Variants in DYDC1 observed in about 807,000 individuals in gnomAD.
DYDC1 encodes DPY30 domain containing 1.
Under a neutral mutation model 27.9 loss-of-function variants are expected in DYDC1, and 21 were observed. The observed-to-expected ratio is 0.75, with a 90% CI of 0.53 to 1.08. The LOEUF (loss-of-function observed/expected upper bound fraction) is 1.08. DYDC1 is among the 50% of genes least tolerant of loss of function. DYDC1 has a pLI of 0.00. For missense variants in DYDC1, 202 were observed against 205.9 expected, an observed-to-expected ratio of 0.98 and a Z score of 0.12; for synonymous variants, 67 against 65.8, an observed-to-expected ratio of 1.02 and a Z score of -0.09.
In DYDC1 at chr10:80,346,730, G is replaced by A. The variant is rs566891265; in HGVS notation, c.250-4369C>T. ...CCGCCTCAGCCTCCCGAAGTGCTGGGATTACAGGTGTGAGCCACTGCCCCC... is the reference window on the plus strand; with the variant it reads ...CCGCCTCAGCCTCCCGAAGTGCTGGAATTACAGGTGTGAGCCACTGCCCCC... On this transcript the variant is annotated intron_variant, in intron 3 of 6. Transcript: ENST00000372202. Among the ~76,000 whole-genome samples, 39 of 151,860 alleles carry A rather than the reference G, an allele frequency of 2.6e-4. No individual in the cohort carries two copies. The South Asian group carries it at 6.5e-3, about 25-fold the overall frequency.
At position 80,338,473 on chromosome 10, in the gene DYDC1, A is replaced by G; in HGVS notation, c.498T>C (p.Phe166=). The stretch of plus-strand genomic sequence containing the variant: ...AAAACACACTGATACTGACATCAGA[A>G]AACATTGGTTCATCAAGTTCTTCCA... ...SRVEELDEPM[F]SDIALNIDQD... Residue 166 remains phenylalanine (F), a synonymous_variant, in exon 6 of 7, where the codon TTT becomes TTC. Transcript: ENST00000372202. 1 of 1,612,842 alleles carries G rather than the reference A, an allele frequency of 6.2e-7. No homozygotes were observed. Among genetic ancestry groups the G allele is most frequent in the Non-Finnish European group, 8.5e-7 (1 of 1,179,518 alleles).
At chr10:80,342,472 C>T (rs935529943) in intron 3 of DYDC1, 111 bp from the exon 4 acceptor site, 5 of 925,876 alleles carry the variant, frequency 5.4e-6, no homozygotes, top group South Asian at 2.0e-5. Flanking sequence ...CCAACTAATA[C>T]TTTAGTTTCT....
chr10:80,351,392 TAAATC>T (rs1342841182), intron 3 of DYDC1, among the ~76,000 whole-genome samples: 1 of 151,150 alleles, frequency 6.6e-6, no homozygotes, highest in Non-Finnish European at 1.5e-5. Flanking sequence ...ACTGTGCTCT[TAAATC>T]AAAACAAACA....
rs1843043318 is a variant in DYDC1, at chr10:80,352,303, T to C, written c.147+152A>G. The C allele has an allele frequency of 2.5e-6, 3 of 1,185,532 alleles. No individual in the cohort carries two copies. The South Asian group carries it at 6.3e-5, about 25-fold the overall frequency. 73.4% of individuals were successfully genotyped at this position (1,185,532 alleles called of 1,614,324 possible). On this transcript the variant is annotated intron_variant, in intron 2 of 6. Coordinates refer to ENST00000372202, the MANE Select transcript of DYDC1 (RefSeq NM_001269053.2). ...AAATAGAAGTCTTCTTTGGGTAATG[T>C]TTTCTCCTTCCTGCTTTTCATGTTG...
chr10:80,346,707 G>C (rs148035577), intron 3 of DYDC1, among the ~76,000 whole-genome samples: 2 of 151,302 alleles, frequency 1.3e-5, no homozygotes, highest in African/African-American at 4.9e-5. Context: ...TGATCTGCCC[G>C]CCTCAGCCTC....
At chr10:80,352,099 G>A (rs1843028462) in intron 2 of DYDC1, 97 bp from the exon 3 acceptor site, 1 of 1,137,144 alleles carries the variant, frequency 8.8e-7, no homozygotes, top group Admixed American at 2.0e-5. Context: ...ATTAGGGAAA[G>A]TGTTAAGCAA....
chr10:80,338,443 T>C (rs1407971818), intron 6 of DYDC1, 24 bp downstream of exon 6: 2 of 1,608,260 alleles, frequency 1.2e-6, no homozygotes, highest in African/African-American at 1.3e-5. Flanking sequence ...AACGAGTTTT[T>C]TCACAAAACA....
chr10:80,338,489 A>C lies in DYDC1; in HGVS notation c.482T>G (p.Leu161Arg). ...GAPNLSRVEE[L>R]DEPMFSDIAL... ...GACATCAGAAAACATTGGTTCATCA[A>C]GTTCTTCCACTCTGCTCAAGTTAGG... The change falls in exon 6 of 7, where the codon CTT (leucine) becomes CGT (arginine). Residue 161 changes from leucine to arginine, a missense_variant. By Grantham distance (102) the Leu-to-Arg change is moderately radical. Transcript: ENST00000372202. The C allele has an allele frequency of 6.2e-7, 1 of 1,613,280 alleles. No individual in the cohort carries two copies. The highest frequency in any genetic ancestry group is 1.1e-5 in the South Asian group (1 of 90,910).
Position 80,339,153 on chromosome 10 carries a change from C to A in DYDC1, c.343G>T (p.Glu115Ter). The A allele has an allele frequency of 3.3e-6, 4 of 1,201,476 alleles. No homozygotes were observed. Among genetic ancestry groups the A allele is most frequent in the South Asian group, 3.4e-5 (2 of 59,422 alleles). 74.4% of individuals were successfully genotyped at this position (1,201,476 alleles called of 1,614,324 possible). A position where few individuals can be genotyped will look rare whatever the true frequency, so the allele number is the denominator to read the frequency against. ...LQRAQEQLGK[E>*]MRMNMENLVR... ...AGATTTTCCATATTCATTCTCATCT[C>A]CTATAATATATAAAAATTAAGAAAA... Residue 115 changes from glutamate to a stop codon, truncating the protein, a stop_gained and splice_region_variant, in exon 5 of 7, where the codon GAG becomes TAG. Transcript: ENST00000372202. LOFTEE classifies it high-confidence loss of function.
rs143826099 is a variant in DYDC1, at chr10:80,353,681, G to T, written c.-9-1071C>A. Among the ~76,000 whole-genome samples, 615 of 151,474 alleles carry T rather than the reference G, an allele frequency of 4.1e-3. 5 individuals are homozygous for T. Among genetic ancestry groups the T allele is most frequent in the African/African-American group, 0.012 (502 of 41,370 alleles). ...CCTGGCTAACGGATCTCCTTCATCT[G>T]CCAGCTGTGTGATCCTGAACTGTGC... On this transcript the variant is annotated intron_variant, in intron 1 of 6. Coordinates refer to ENST00000372202, the MANE Select transcript of DYDC1 (RefSeq NM_001269053.2).
intron 3 of DYDC1, among the ~76,000 whole-genome samples, chr10:80,345,448 TC>T (rs1267783729): frequency 6.6e-6 from 1 of 152,174 alleles, no homozygotes; most frequent in African/African-American, 2.4e-5. Context: ...AAATCTACTC[TC>T]TTAAAAATTT....
intron 4 of DYDC1, among the ~76,000 whole-genome samples, chr10:80,340,077 G>A (rs958187475): frequency 6.6e-6 from 1 of 152,152 alleles, no homozygotes; most frequent in Non-Finnish European, 1.5e-5. Context: ...CTCAGAAGCC[G>A]TTAAGGCCCA....
chr10:80,351,977 T>C lies in DYDC1; in HGVS notation c.173A>G (p.Glu58Gly), dbSNP rs1170960008. ...CATCAGAGCTAATTCTCTTTCACGC[T>C]CCAGCTTGGCCATTTCCTTTTGTCT... Reference protein sequence around the residue: ...QLRQKEMAKLERERELALMEQ... With the variant: ...QLRQKEMAKLGRERELALMEQ... Residue 58 changes from glutamate to glycine, a missense_variant, in exon 3 of 7, where the codon GAG (glutamate) becomes GGG (glycine). Transcript: ENST00000372202. 9 of 1,614,144 alleles carry C rather than the reference T, an allele frequency of 5.6e-6. No homozygotes were observed. The highest frequency in any genetic ancestry group is 1.7e-4 in the Middle Eastern group (1 of 6,060).
chr10:80,354,621 A>G (rs1175929770), intron 1 of DYDC1: 1 of 152,164 alleles, frequency 6.6e-6, no homozygotes, highest in Non-Finnish European at 1.5e-5. Flanking sequence ...TCCCAATGTG[A>G]TGGTATTAGG....
intron 1 of DYDC1, among the ~76,000 whole-genome samples, chr10:80,355,643 A>G (rs778425178): frequency 6.6e-6 from 1 of 152,214 alleles, no homozygotes; most frequent in Non-Finnish European, 1.5e-5. Context: ...GATGTACAAG[A>G]GAATGAAGAA....
At position 80,356,530 on chromosome 10, in the gene DYDC1, G is replaced by C. The variant is rs1239718273; in HGVS notation, c.-10+182C>G. 16 of 985,340 alleles carry C rather than the reference G, an allele frequency of 1.6e-5. No individual in the cohort carries two copies. In the East Asian group the frequency reaches 3.4e-4, roughly 21 times the overall value. The allele number at this position is 985,340 out of a possible 1,614,324, so 61.0% of individuals were successfully genotyped here. A position where few individuals can be genotyped will look rare whatever the true frequency, so the allele number is the denominator to read the frequency against. On this transcript the variant is annotated intron_variant, in intron 1 of 6. Coordinates refer to ENST00000372202, the MANE Select transcript of DYDC1 (RefSeq NM_001269053.2). ...AGGAGACGCAGCGCTCCCCGCTCAG[G>C]GGGAGCAGGAGGACAGCTGGCCGCT...
intron 3 of DYDC1, among the ~76,000 whole-genome samples, chr10:80,350,968 A>G (rs1286161020): frequency 6.6e-6 from 1 of 152,224 alleles, no homozygotes; most frequent in African/African-American, 2.4e-5. Flanking sequence ...TCACTCAGAC[A>G]TCTGGGCCCA....
intron 4 of DYDC1, among the ~76,000 whole-genome samples, chr10:80,340,162 A>G (rs1842270933): frequency 2.6e-5 from 4 of 152,236 alleles, no homozygotes; most frequent in Admixed American, 2.6e-4. Flanking sequence ...AGCAGAGGGG[A>G]GAGCCCTGGT....
intron 5 of DYDC1, 53 bp downstream of exon 5, chr10:80,339,044 T>A: frequency 9.6e-7 from 1 of 1,040,866 alleles, no homozygotes; most frequent in Non-Finnish European, 1.4e-6. Context: ...AAGCTTTACA[T>A]TCTAGGATAC....
Sources: gnomAD v4.1 joint callset for allele counts (sites outside exome capture counted in the v4.1 genomes callset) on GRCh38, gnomAD v4.1.1 for gene constraint, MANE v1.5 for transcripts, NCBI Gene and HGNC (gene_info 2026-07-23, HGNC 2026-07-21) for gene names.